The following FHIT variants were observed in gnomAD, a reference collection of about 807,000 sequenced individuals.
FHIT encodes the protein bis(5'-adenosyl)-triphosphatase.
In FHIT, 19 loss-of-function variants were observed where a neutral mutation model predicts 17.9. The observed-to-expected ratio is 1.06, with a 90% CI of 0.74 to 1.56. The LOEUF (loss-of-function observed/expected upper bound fraction) is 1.56, where lower values mean the gene tolerates loss of function less well. Ranked by LOEUF, FHIT falls within the 40% of genes most tolerant of loss-of-function variation. The pLI is 0.00. For missense variants in FHIT, 248 were observed against 189.2 expected (o/e 1.31, Z -1.82); for synonymous variants, 81 against 69.7 (o/e 1.16, Z -0.81).
intron 8 of FHIT, among the ~76,000 whole-genome samples, chr3:59,805,126 G>C (rs1700146100): frequency 6.6e-6 from 1 of 152,144 alleles, no homozygotes; most frequent in African/African-American, 2.4e-5. Flanking sequence ...CACGGAATAA[G>C]AAACTCAAAG....
chr3:60,035,475 C>A (rs1192318610), intron 5 of FHIT, among the ~76,000 whole-genome samples: 1 of 152,172 alleles, frequency 6.6e-6, no homozygotes, highest in East Asian at 1.9e-4. Flanking sequence ...TTGCCTTGGC[C>A]TCCCAAAGTG....
intron 4 of FHIT, among the ~76,000 whole-genome samples, chr3:60,632,112 A>C (rs1340320728): frequency 6.6e-6 from 1 of 151,248 alleles, no homozygotes; most frequent in African/African-American, 2.4e-5. Flanking sequence ...GTTTTTTTTT[A>C]ATTGCAACTA....
At chr3:61,208,319 T>C (rs1205198483) in intron 1 of FHIT, among the ~76,000 whole-genome samples, 1 of 152,112 alleles carries the variant, frequency 6.6e-6, no homozygotes, top group Non-Finnish European at 1.5e-5. Flanking sequence ...GTTCTCTAGA[T>C]GTCTATTAGG....
At chr3:60,637,577 T>A (rs923403710) in intron 4 of FHIT, among the ~76,000 whole-genome samples, 4 of 152,220 alleles carry the variant, frequency 2.6e-5, no homozygotes. Context: ...ATTGTCACCA[T>A]CATTATTCCT....
At chr3:60,798,420 G>A (rs969469787) in intron 4 of FHIT, among the ~76,000 whole-genome samples, 3 of 152,096 alleles carry the variant, frequency 2.0e-5, no homozygotes, top group Non-Finnish European at 4.4e-5. Context: ...TTTGATATTT[G>A]GCCCATTTTC....
intron 4 of FHIT, among the ~76,000 whole-genome samples, chr3:60,649,214 G>T (rs1553687604): frequency 6.6e-6 from 1 of 152,002 alleles, no homozygotes; most frequent in African/African-American, 2.4e-5. Flanking sequence ...TGGCTAACAC[G>T]GTGAAACCCC....
intron 3 of FHIT, among the ~76,000 whole-genome samples, chr3:60,905,863 G>A (rs1300535706): frequency 6.6e-6 from 1 of 152,156 alleles, no homozygotes; most frequent in Non-Finnish European, 1.5e-5. Flanking sequence ...GAGCTGGAAG[G>A]GTAGGGATGG....
intron 3 of FHIT, among the ~76,000 whole-genome samples, chr3:60,910,401 T>A (rs1706677167): frequency 6.8e-6 from 1 of 147,498 alleles, no homozygotes; most frequent in Non-Finnish European, 1.5e-5. Context: ...AGCTTACAGG[T>A]CTTTCTCTCT....
chr3:60,569,728 T>TATATATATATATATATATATATAC (rs2037287277), intron 4 of FHIT, among the ~76,000 whole-genome samples: 2 of 13,606 alleles, frequency 1.5e-4, no homozygotes, highest in African/African-American at 5.5e-4. Context: ...ATTAATACTA[T>TATATATATATATATATATATATAC]ATATATATAT....
chr3:60,929,365 A>T (rs1398485627), intron 3 of FHIT, among the ~76,000 whole-genome samples: 1 of 152,216 alleles, frequency 6.6e-6, no homozygotes, highest in Non-Finnish European at 1.5e-5. Context: ...TGGCCAGGGC[A>T]ATTAGGCAGG....
intron 3 of FHIT, among the ~76,000 whole-genome samples, chr3:61,033,929 T>C (rs1450289781): frequency 2.6e-5 from 4 of 152,140 alleles, no homozygotes; most frequent in African/African-American, 7.2e-5. Context: ...ATAGCAAGAC[T>C]CTAAGCAAAC....
At chr3:60,105,128 C>T (rs1030632433) in intron 5 of FHIT, among the ~76,000 whole-genome samples, 1 of 152,126 alleles carries the variant, frequency 6.6e-6, no homozygotes, top group Non-Finnish European at 1.5e-5. Flanking sequence ...CCTGAACCAA[C>T]CAATGTTGAG....
chr3:61,210,788 C>T (rs1159050582), intron 1 of FHIT, among the ~76,000 whole-genome samples: 1 of 151,822 alleles, frequency 6.6e-6, no homozygotes, highest in Non-Finnish European at 1.5e-5. Flanking sequence ...CTTCGGCTCA[C>T]ACACAGTGCG....
intron 5 of FHIT, among the ~76,000 whole-genome samples, chr3:60,256,830 C>A (rs1316537756): frequency 1.3e-5 from 2 of 152,162 alleles, no homozygotes; most frequent in Non-Finnish European, 2.9e-5. Context: ...ACACAAATTT[C>A]CACACTCTAT....
At chr3:60,632,899 C>T (rs559069650) in intron 4 of FHIT, among the ~76,000 whole-genome samples, 1 of 152,298 alleles carries the variant, frequency 6.6e-6, no homozygotes, top group Non-Finnish European at 1.5e-5. Flanking sequence ...CTTCTCCAGC[C>T]TTTGGACACT....
chr3:61,169,110 A>G (rs1429680708), intron 2 of FHIT, among the ~76,000 whole-genome samples: 1 of 151,998 alleles, frequency 6.6e-6, no homozygotes, highest in African/African-American at 2.4e-5. Flanking sequence ...TTCAACGAAA[A>G]CCTACACATC....
chr3:60,687,691 T>A (rs1401583075), intron 4 of FHIT, among the ~76,000 whole-genome samples: 1 of 152,102 alleles, frequency 6.6e-6, no homozygotes, highest in Non-Finnish European at 1.5e-5. Context: ...CTTTGTTAGA[T>A]TATTAAAATA....
intron 4 of FHIT, among the ~76,000 whole-genome samples, chr3:60,770,003 G>C (rs1476108812): frequency 6.6e-6 from 1 of 152,176 alleles, no homozygotes; most frequent in Non-Finnish European, 1.5e-5. Context: ...TGTGTTGGGA[G>C]GGGTCATTAG....
At chr3:59,873,321 A>G (rs1490687807) in intron 8 of FHIT, among the ~76,000 whole-genome samples, 1 of 152,188 alleles carries the variant, frequency 6.6e-6, no homozygotes, top group African/African-American at 2.4e-5. Context: ...TAGATGGACA[A>G]TGTATTTACT....
Sources: gnomAD v4.1 joint callset for allele counts (sites outside exome capture counted in the v4.1 genomes callset) on GRCh38, gnomAD v4.1.1 for gene constraint, MANE v1.5 for transcripts, NCBI Gene and HGNC (gene_info 2026-07-23, HGNC 2026-07-21) for gene names.